Variants in F2 observed in about 807,000 individuals in gnomAD.
F2 encodes the protein coagulation factor II, thrombin.
F2 carries 34 observed loss-of-function variants against 81.9 expected under a neutral mutation model. The observed-to-expected ratio is 0.42, with a 90% CI of 0.32 to 0.55. F2 has a LOEUF of 0.55. Ranked by LOEUF, F2 falls within the 20% of genes least tolerant of loss-of-function variation. The pLI, the probability that F2 is intolerant of heterozygous loss-of-function variation, is 0.18. For missense variants in F2, 630 were observed against 833.4 expected (o/e 0.76, Z 3.00); for synonymous variants, 296 against 326.4 (o/e 0.91, Z 1.01).
In F2 at chr11:46,720,798, A is replaced by G; in HGVS notation, c.274A>G (p.Thr92Ala). Residue 92 changes from threonine (T) to alanine (A), a missense_variant, in exon 4 of 14, where the codon ACA (threonine) becomes GCA (alanine). Transcript: ENST00000311907. Reference sequence around the variant, plus strand: ...ACCTGGGTCTTTTCCAGCTTGTGAGACAGCGAGGACGCCTCGAGATAAGCT... The same window carrying G: ...ACCTGGGTCTTTTCCAGCTTGTGAGGCAGCGAGGACGCCTCGAGATAAGCT... The part of the protein sequence containing the change: ...VFWAKYTACE[T>A]ARTPRDKLAA... 6.2e-7 allele frequency: 1 copy of G among 1,614,062 alleles called. No homozygotes were observed. Among genetic ancestry groups the G allele is most frequent in the Non-Finnish European group, 8.5e-7 (1 of 1,180,016 alleles).
intron 12 of F2, among the ~76,000 whole-genome samples, chr11:46,735,574 G>T (rs980738505): frequency 8.6e-5 from 13 of 152,042 alleles, no homozygotes; most frequent in African/African-American, 3.1e-4. Context: ...AGTGAGCTAT[G>T]ACCGCACCAT....
chr11:46,728,626 C>T lies in F2; in HGVS notation c.1299-38C>T, dbSNP rs772316448. 52 of 1,610,486 alleles carry T rather than the reference C, an allele frequency of 3.2e-5. No individual in the cohort carries two copies. The highest frequency in any genetic ancestry group is 3.8e-5 in the Non-Finnish European group (45 of 1,177,176). Reference sequence around the variant, plus strand: ...AGTTTCCTGCTCCTTGCTGGGTGAACCTGCAGCTTCTCCATTTCTTTCTTG... The same window carrying T: ...AGTTTCCTGCTCCTTGCTGGGTGAATCTGCAGCTTCTCCATTTCTTTCTTG... On this transcript the variant is annotated intron_variant, in intron 10 of 13. Transcript: ENST00000311907. The surrounding 1 kb of genome is among the most constrained non-coding windows in gnomAD (Gnocchi z 5.1).
intron 13 of F2, 63 bp downstream of exon 13, chr11:46,739,181 G>GTT: frequency 1.2e-6 from 2 of 1,613,604 alleles, no homozygotes; most frequent in Non-Finnish European, 1.7e-6. Flanking sequence ...AGAAACTCTA[G>GTT]TATCTAGAAA....
chr11:46,721,083 TG>T (rs1325243930), intron 4 of F2, among the ~76,000 whole-genome samples: 5 of 152,104 alleles, frequency 3.3e-5, no homozygotes, highest in African/African-American at 1.2e-4. Flanking sequence ...CTCGCTCTGT[TG>T]CCCAGGCTGG....
At position 46,723,476 on chromosome 11, in the gene F2, G is replaced by C. The variant is rs774792190; in HGVS notation, c.517G>C (p.Asp173His). The change falls in exon 6 of 14, where the codon GAC becomes CAC. Residue 173 changes from aspartate (D) to histidine (H), a missense_variant. Asp to His is a moderately conservative substitution (Grantham distance 81, BLOSUM62 -1). Transcript: ENST00000311907. This position sits in a 1 kb window ranked among gnomAD's most constrained non-coding sequence, Gnocchi z 5.6. ...STTGPWCYTT[D>H]PTVRRQECSI... ...CACGGGACCCTGGTGCTACACTACAGACCCCACCGTGAGGAGGCAGGAATG... is the reference window on the plus strand; with the variant it reads ...CACGGGACCCTGGTGCTACACTACACACCCCACCGTGAGGAGGCAGGAATG... 2 of 1,614,112 alleles carry C rather than the reference G, an allele frequency of 1.2e-6. No individual in the cohort carries two copies. The highest frequency in any genetic ancestry group is 2.2e-5 in the East Asian group (1 of 44,878).
chr11:46,722,051 G>T (rs1259409952), intron 4 of F2, among the ~76,000 whole-genome samples: 1 of 151,986 alleles, frequency 6.6e-6, no homozygotes, highest in South Asian at 2.1e-4. Flanking sequence ...CACCATGTTG[G>T]CCAGGCTGGT....
chr11:46,731,230 T>C (rs933613628), intron 12 of F2, among the ~76,000 whole-genome samples: 1 of 144,240 alleles, frequency 6.9e-6, no homozygotes, highest in Non-Finnish European at 1.5e-5. Flanking sequence ...ACCAGGAAAT[T>C]TTTTTTTTTT....
chr11:46,739,409 G>C lies in F2; in HGVS notation c.*1G>C. 6.2e-7 allele frequency: 1 copy of C among 1,614,052 alleles called. No homozygotes were observed. The highest frequency in any genetic ancestry group is 8.5e-7 in the Non-Finnish European group (1 of 1,180,014). ...GGTCATTGATCAGTTTGGAGAGTAGGGGGCCACTCATATTCTGGGCTCCTG... is the reference window on the plus strand; with the variant it reads ...GGTCATTGATCAGTTTGGAGAGTAGCGGGCCACTCATATTCTGGGCTCCTG... On this transcript the variant is annotated 3_prime_UTR_variant, in exon 14 of 14. Transcript: ENST00000311907.
chr11:46,724,845 ACTGCAACCTCCG>A (rs2064861351), intron 6 of F2, among the ~76,000 whole-genome samples: 1 of 150,010 alleles, frequency 6.7e-6, no homozygotes, highest in African/African-American at 2.5e-5. Flanking sequence ...ATCTCAGCTC[ACTGCAACCTCCG>A]CCTCCTGGGT....
Position 46,720,427 on chromosome 11 carries a change from C to A in F2, c.241-96C>A, listed in dbSNP as rs994614796. 3.1e-5 allele frequency: 44 copies of A among 1,433,592 alleles called. No individual in the cohort carries two copies. The Middle Eastern group carries it at 2.1e-3, about 68-fold the overall frequency. The allele number at this position is 1,433,592 out of a possible 1,614,324, so 88.8% of individuals were successfully genotyped here. A position where few individuals can be genotyped will look rare whatever the true frequency, so the allele number is the denominator to read the frequency against. On this transcript the variant is annotated intron_variant, in intron 2 of 13. Transcript: ENST00000311907. The stretch of plus-strand genomic sequence containing the variant: ...CCCCAGAGCCTGCCCCCTGCGTGAC[C>A]AGGGTAAAGGAAAGTGTGAGGAGGA...
chr11:46,739,454 A>T lies in F2; in HGVS notation c.*46A>T, dbSNP rs188001809. On this transcript the variant is annotated 3_prime_UTR_variant, in exon 14 of 14. Transcript: ENST00000311907. ...CTCCTGGAACCAATCCCGTGAAAGA[A>T]TTATTTTTGTGTTTCTAAAACTATG... The T allele has an allele frequency of 5.6e-6, 9 of 1,612,060 alleles. No individual in the cohort carries two copies.
chr11:46,726,125 G>A lies in F2; in HGVS notation c.826G>A (p.Val276Met). 1 of 1,614,202 alleles carries A rather than the reference G, an allele frequency of 6.2e-7. No homozygotes were observed. The highest frequency in any genetic ancestry group is 8.5e-7 in the Non-Finnish European group (1 of 1,180,044). ...GGATGAGGAGGGCGTGTGGTGCTAT[G>A]TGGCCGGGAAGCCTGGCGACTTTGG... is the stretch of plus-strand genomic sequence containing the variant. ...DGDEEGVWCY[V>M]AGKPGDFGYC... The change falls in exon 7 of 14, where the codon GTG becomes ATG. Residue 276 changes from valine (V) to methionine (M), a missense_variant. By Grantham distance (21) the Val-to-Met change is conservative (BLOSUM62 1). Coordinates refer to ENST00000311907, the MANE Select transcript of F2 (RefSeq NM_000506.5). The surrounding 1 kb of genome is among the most constrained non-coding windows in gnomAD (Gnocchi z 5.9).
At chr11:46,729,768 A>G (rs2064899200) in intron 12 of F2, among the ~76,000 whole-genome samples, 1 of 152,188 alleles carries the variant, frequency 6.6e-6, no homozygotes, top group Admixed American at 6.5e-5. Context: ...TGTACTTGGC[A>G]TAGTATCAGT....
chr11:46,725,543 A>C (rs548098087), intron 6 of F2, among the ~76,000 whole-genome samples: 26 of 152,252 alleles, frequency 1.7e-4, no homozygotes, highest in African/African-American at 6.3e-4. Flanking sequence ...GCAGCTATAA[A>C]AACATGACTC....
At chr11:46,720,881 G>A (rs1190826204) in intron 4 of F2, 41 bp downstream of exon 4, 2 of 1,611,356 alleles carry the variant, frequency 1.2e-6, no homozygotes, top group African/African-American at 2.7e-5. Context: ...GACATGGAGG[G>A]GAGCCTGGGA....
chr11:46,733,217 T>C (rs913967769), intron 12 of F2, among the ~76,000 whole-genome samples: 6 of 152,180 alleles, frequency 3.9e-5, no homozygotes, highest in Non-Finnish European at 5.9e-5. Flanking sequence ...TACTAGAATA[T>C]AGTTTCAAAA....
chr11:46,724,613 G>A lies in F2; in HGVS notation c.559+1095G>A, dbSNP rs545924380. On this transcript the variant is annotated intron_variant, in intron 6 of 13. Transcript: ENST00000311907. Reference sequence around the variant, plus strand: ...TATATGTTCAAGGCCAGGGTCAAGAGGTAAACTACACCTCAGCCTGTAAAA... The same window carrying A: ...TATATGTTCAAGGCCAGGGTCAAGAAGTAAACTACACCTCAGCCTGTAAAA... Among the ~76,000 whole-genome samples, 6 of 152,274 alleles carry A rather than the reference G, an allele frequency of 3.9e-5. No individual in the cohort carries two copies. In the South Asian group the frequency reaches 1.2e-3, roughly 32 times the overall value.
chr11:46,723,114 A>C lies in F2; in HGVS notation c.317-66A>C, dbSNP rs757849327. 17 of 1,416,706 alleles carry C rather than the reference A, an allele frequency of 1.2e-5. No individual in the cohort carries two copies. Among genetic ancestry groups the C allele is most frequent in the Non-Finnish European group, 1.7e-5 (17 of 1,000,182 alleles). 87.8% of individuals were successfully genotyped at this position (1,416,706 alleles called of 1,614,324 possible). ...ATGAGCTGGGAGGTGGGGGATAGAC[A>C]ACTTTGCAGGGAGAGAGGAAATAAG... On this transcript the variant is annotated intron_variant, in intron 4 of 13. Coordinates refer to ENST00000311907, the MANE Select transcript of F2 (RefSeq NM_000506.5). The surrounding 1 kb of genome is among the most constrained non-coding windows in gnomAD (Gnocchi z 5.6).
At chr11:46,725,238 T>G (rs2064864552) in intron 6 of F2, among the ~76,000 whole-genome samples, 1 of 151,734 alleles carries the variant, frequency 6.6e-6, no homozygotes, top group African/African-American at 2.4e-5. Context: ...CTGGCTAATT[T>G]TTGTATTTTT....
Sources: allele counts gnomAD v4.1 joint callset (sites outside exome capture counted in the v4.1 genomes callset), GRCh38; gene constraint gnomAD v4.1.1; non-coding constraint Gnocchi (gnomAD v3.1); transcripts MANE v1.5; gene names NCBI Gene and HGNC (gene_info 2026-07-23, HGNC 2026-07-21).